Variants in SEPTIN9 observed in about 807,000 individuals in gnomAD.
SEPTIN9 encodes the protein septin 9.
Under a neutral mutation model 56.6 loss-of-function variants are expected in SEPTIN9, and 13 were observed. The observed-to-expected ratio is 0.23, with a 90% CI of 0.15 to 0.37. SEPTIN9 has a LOEUF of 0.37. Among genes scored for constraint, SEPTIN9 ranks in the 10% least tolerant of loss-of-function variants. The pLI, the probability that SEPTIN9 is intolerant of heterozygous loss-of-function variation, is 1.00. For synonymous variants in SEPTIN9, 332 were observed against 334.1 expected, an observed-to-expected ratio of 0.99 and a Z score of 0.07; for missense variants, 650 against 823.1, an observed-to-expected ratio of 0.79 and a Z score of 2.57.
At chr17:77,302,307 A>G (rs1409617734) in intron 1 of SEPTIN9, among the ~76,000 whole-genome samples, 2 of 151,992 alleles carry the variant, frequency 1.3e-5, no homozygotes, top group Admixed American at 1.3e-4. Context: ...AAATAAACAA[A>G]CCAATAAAAG....
rs1056079032 is a variant in SEPTIN9 at position 77,313,709 on chromosome 17, G to A, written c.76+6512G>A. 6.6e-6 allele frequency among the ~76,000 whole-genome samples: 1 copy of A among 152,212 alleles called. No homozygotes were observed. Among genetic ancestry groups the A allele is most frequent in the African/African-American group, 2.4e-5 (1 of 41,538 alleles). ...AGTGGTTGAGTCTGAGGATGAGCAG[G>A]AAATGAATGGAAAAGTCTTTTTTTT... On this transcript the variant is annotated intron_variant, in intron 2 of 11. Transcript: ENST00000427177. This position sits in a 1 kb window ranked among gnomAD's most constrained non-coding sequence, Gnocchi z 4.5.
At chr17:77,409,021 C>T (rs896107042) in intron 3 of SEPTIN9, among the ~76,000 whole-genome samples, 6 of 152,088 alleles carry the variant, frequency 3.9e-5, no homozygotes, top group African/African-American at 1.4e-4. Context: ...CAGGATTTTT[C>T]TGTGGGGCTG....
At chr17:77,493,762 TTCC>T (rs2040137660) in intron 10 of SEPTIN9, among the ~76,000 whole-genome samples, 1 of 136,070 alleles carries the variant, frequency 7.3e-6, no homozygotes, top group Non-Finnish European at 1.5e-5. Context: ...GTCCCTCCTC[TTCC>T]TTTTTTTTTT....
intron 3 of SEPTIN9, among the ~76,000 whole-genome samples, chr17:77,479,548 G>A (rs1003243471): frequency 2.0e-5 from 3 of 152,236 alleles, no homozygotes; most frequent in Non-Finnish European, 2.9e-5. Context: ...TGGCAAAGAT[G>A]GGGCTCGGCT....
chr17:77,417,868 G>A (rs1463640179), intron 3 of SEPTIN9, among the ~76,000 whole-genome samples: 2 of 152,164 alleles, frequency 1.3e-5, no homozygotes, highest in Non-Finnish European at 2.9e-5. Flanking sequence ...AGCCTTGCTC[G>A]GGGTTGGGGC....
At position 77,482,225 on chromosome 17, in the gene SEPTIN9, G is replaced by A. The variant is rs536707494; in HGVS notation, c.803G>A (p.Arg268Gln). The A allele has an allele frequency of 1.7e-5, 28 of 1,612,680 alleles. No individual in the cohort carries two copies. The highest frequency in any genetic ancestry group is 1.0e-4 in the Admixed American group (6 of 59,974). Residue 268 changes from arginine to glutamine, a missense_variant, in exon 4 of 12, where the codon CGG (arginine) becomes CAG (glutamine). By Grantham distance (43) the Arg-to-Gln change is conservative. This residue lies in a region of SEPTIN9 where 333 missense variants were observed against 494.0 expected (regional missense o/e 0.67). Transcript: ENST00000427177. ...DAGLKQAPAS[R>Q]NEKAPVDFGY... ...GGGCTCAAGCAGGCGCCTGCATCAC[G>A]GAACGAGAAGGCCCCGGTGGACTTC...
intron 2 of SEPTIN9, among the ~76,000 whole-genome samples, chr17:77,382,027 C>A (rs964393170): frequency 1.3e-5 from 2 of 151,822 alleles, no homozygotes; most frequent in Non-Finnish European, 2.9e-5. Context: ...TTTTCTTTTT[C>A]TTTCTTTCTT....
chr17:77,376,365 G>C lies in SEPTIN9; in HGVS notation c.77-25694G>C, dbSNP rs140282527. The C allele has an allele frequency of 5.1e-6, 5 of 985,536 alleles. No individual in the cohort carries two copies. The African/African-American group carries it at 8.7e-5, about 17-fold the overall frequency. The allele number at this position is 985,536 out of a possible 1,614,324, so 61.0% of individuals were successfully genotyped here. On this transcript the variant is annotated intron_variant, in intron 2 of 11. Transcript: ENST00000427177. Reference sequence around the variant, plus strand: ...CCGTGGGAGCACAGGTCTCTTTCCCGGGGCGGCTCACCTGGTGTCTTGGTT... The same window carrying C: ...CCGTGGGAGCACAGGTCTCTTTCCCCGGGCGGCTCACCTGGTGTCTTGGTT...
intron 2 of SEPTIN9, among the ~76,000 whole-genome samples, chr17:77,395,461 GGAGCTTGCGGTGAGCC>G (rs1470826319): frequency 2.0e-5 from 3 of 151,722 alleles, no homozygotes; most frequent in Non-Finnish European, 2.9e-5. Context: ...CCTGGGAGGT[GGAGCTTGCGGTGAGCC>G]GAGATTGCGC....
In SEPTIN9 at chr17:77,429,844, G is replaced by A. The variant is rs2037061273; in HGVS notation, c.721+27141G>A. 6.6e-6 allele frequency among the ~76,000 whole-genome samples: 1 copy of A among 152,134 alleles called. No individual in the cohort carries two copies. The highest frequency in any genetic ancestry group is 2.4e-5 in the African/African-American group (1 of 41,414). On this transcript the variant is annotated intron_variant, in intron 3 of 11. Coordinates refer to ENST00000427177, the MANE Select transcript of SEPTIN9 (RefSeq NM_001113491.2). This position sits in a 1 kb window ranked among gnomAD's most constrained non-coding sequence, Gnocchi z 5.2. ...ACACAGCGGATGGGGCAGATGTTGC[G>A]AAACCTGTCTCTCTGCCTCTCTTTC...
rs555611168 is a variant in SEPTIN9 at position 77,500,051 on chromosome 17, C to G, written c.*1393C>G. The G allele has an allele frequency of 4.3e-6, 1 of 234,910 alleles. No individual in the cohort carries two copies. The highest frequency in any genetic ancestry group is 8.4e-6 in the Non-Finnish European group (1 of 119,328). 14.6% of individuals were successfully genotyped at this position (234,910 alleles called of 1,614,324 possible). A position where few individuals can be genotyped will look rare whatever the true frequency, so the allele number is the denominator to read the frequency against. Reference sequence around the variant, plus strand: ...CTGCTTCCTGTTACCTGTCTTGCTCCTGGGGAGAAAGAGGGGCCTGATGAG... The same window carrying G: ...CTGCTTCCTGTTACCTGTCTTGCTCGTGGGGAGAAAGAGGGGCCTGATGAG... On this transcript the variant is annotated 3_prime_UTR_variant, in exon 12 of 12. Coordinates refer to ENST00000427177, the MANE Select transcript of SEPTIN9 (RefSeq NM_001113491.2).
intron 2 of SEPTIN9, among the ~76,000 whole-genome samples, chr17:77,385,510 C>T (rs2627205): frequency 0.26 from 39,412 of 151,904 alleles, 5,532 homozygotes; most frequent in East Asian, 0.5. Context: ...TGAGCCACTG[C>T]GCCCGGCCAT....
At chr17:77,422,264 G>A (rs533337156) in intron 3 of SEPTIN9, among the ~76,000 whole-genome samples, 9 of 152,306 alleles carry the variant, frequency 5.9e-5, no homozygotes, top group African/African-American at 1.2e-4. Context: ...TCCTGGGCGC[G>A]TGGTCAGGCC....
Position 77,445,743 on chromosome 17 carries a change from G to A in SEPTIN9, c.722-36401G>A. The A allele has an allele frequency of 3.5e-6, 1 of 288,918 alleles. No individual in the cohort carries two copies. The highest frequency in any genetic ancestry group is 3.3e-5 in the South Asian group (1 of 30,240). The allele number at this position is 288,918 out of a possible 1,614,324, so 17.9% of individuals were successfully genotyped here. A position where few individuals can be genotyped will look rare whatever the true frequency, so the allele number is the denominator to read the frequency against. Reference sequence around the variant, plus strand: ...CTGTCCCCTGTGGCTTCCAGAGTGGGACCTTGCTGTGGGATAGGCTGGCCA... The same window carrying A: ...CTGTCCCCTGTGGCTTCCAGAGTGGAACCTTGCTGTGGGATAGGCTGGCCA... On this transcript the variant is annotated intron_variant, in intron 3 of 11. Coordinates refer to ENST00000427177, the MANE Select transcript of SEPTIN9 (RefSeq NM_001113491.2). The surrounding 1 kb of genome is among the most constrained non-coding windows in gnomAD (Gnocchi z 4.7).
Position 77,286,026 on chromosome 17 carries a change from C to T in SEPTIN9, c.19+4472C>T, listed in dbSNP as rs555817386. 2.1e-3 allele frequency among the ~76,000 whole-genome samples: 323 copies of T among 152,384 alleles called. 2 individuals carry two copies. Among genetic ancestry groups the T allele is most frequent in the African/African-American group, 5.8e-3 (241 of 41,594 alleles). On this transcript the variant is annotated intron_variant, in intron 1 of 11. Coordinates refer to ENST00000427177, the MANE Select transcript of SEPTIN9 (RefSeq NM_001113491.2). The stretch of plus-strand genomic sequence containing the variant: ...TCCTCTTCTCCCCCAGCCCCGTCTC[C>T]GCGCCTGTTCTCGCTGCCTCTTGCC...
chr17:77,450,480 A>T lies in SEPTIN9; in HGVS notation c.722-31664A>T, dbSNP rs967915709. ...AAGCCCTCGGAACGAGCCCACTCCCAGGCGCTCTCTCCTAGTGTGGGAGTG... is the reference window on the plus strand; with the variant it reads ...AAGCCCTCGGAACGAGCCCACTCCCTGGCGCTCTCTCCTAGTGTGGGAGTG... On this transcript the variant is annotated intron_variant, in intron 3 of 11. Coordinates refer to ENST00000427177, the MANE Select transcript of SEPTIN9 (RefSeq NM_001113491.2). The surrounding 1 kb of genome is among the most constrained non-coding windows in gnomAD (Gnocchi z 6.0). The T allele has an allele frequency of 1.0e-6, 1 of 985,362 alleles. No homozygotes were observed. The highest frequency in any genetic ancestry group is 1.7e-5 in the African/African-American group (1 of 57,308). The allele number at this position is 985,362 out of a possible 1,614,324, so 61.0% of individuals were successfully genotyped here.
In SEPTIN9 at chr17:77,469,871, A is replaced by G. The variant is rs147961682; in HGVS notation, c.722-12273A>G. Reference sequence around the variant, plus strand: ...TATCCACTCATTCACCCATCCACTCATCCACCTATCTACAGTCATTCACTC... The same window carrying G: ...TATCCACTCATTCACCCATCCACTCGTCCACCTATCTACAGTCATTCACTC... On this transcript the variant is annotated intron_variant, in intron 3 of 11. Coordinates refer to ENST00000427177, the MANE Select transcript of SEPTIN9 (RefSeq NM_001113491.2). Among the ~76,000 whole-genome samples the G allele has an allele frequency of 4.3e-3, 630 of 147,876 alleles. 4 individuals carry two copies. The highest frequency in any genetic ancestry group is 0.015 in the African/African-American group (593 of 39,378).
intron 3 of SEPTIN9, among the ~76,000 whole-genome samples, chr17:77,441,438 T>C (rs1275243702): frequency 1.3e-5 from 2 of 152,214 alleles, no homozygotes; most frequent in African/African-American, 4.8e-5. Flanking sequence ...AGCGCCCCCA[T>C]GCTTAGACAC....
chr17:77,320,366 T>TC (rs775439931), intron 2 of SEPTIN9: 1 of 1,608,186 alleles, frequency 6.2e-7, no homozygotes, highest in Non-Finnish European at 8.5e-7. Flanking sequence ...GACAGCCCCC[T>TC]CCCCATCGGC....
Sources: allele counts gnomAD v4.1 joint callset (sites outside exome capture counted in the v4.1 genomes callset), GRCh38; gene constraint gnomAD v4.1.1; regional missense constraint gnomAD v4.1.1; non-coding constraint Gnocchi (gnomAD v3.1); transcripts MANE v1.5; gene names NCBI Gene and HGNC (gene_info 2026-07-23, HGNC 2026-07-21).